LMNTD1: variants seen among roughly 807,000 people sequenced by gnomAD.
LMNTD1 encodes lamin tail domain containing 1.
LMNTD1 carries 35 observed loss-of-function variants against 50.9 expected under a neutral mutation model. The ratio of observed to expected loss-of-function variants is 0.69; its 90% CI spans 0.53 to 0.91. LMNTD1 has a LOEUF of 0.91. LMNTD1 is among the 40% of genes least tolerant of loss of function. The pLI is 0.00. For missense variants in LMNTD1, 470 were observed against 475.5 expected (o/e 0.99, Z 0.11); for synonymous variants, 153 against 161.9 (o/e 0.94, Z 0.42).
At position 25,552,936 on chromosome 12, in the gene LMNTD1, C is replaced by G. The variant is rs1235037541; in HGVS notation, c.24G>C (p.Gln8His). Residue 8 changes from glutamine to histidine, a missense_variant, in exon 2 of 10, where the codon CAG becomes CAC. Physicochemically the swap from Gln to His is conservative, Grantham distance 24. Coordinates refer to ENST00000458174, the MANE Select transcript of LMNTD1 (RefSeq NM_001145728.2). ...TATTCTGCATTGCCTTCGAAGCTTCCTGAATGTCTTGTGTATCTTTCATCT... is the reference window on the plus strand; with the variant it reads ...TATTCTGCATTGCCTTCGAAGCTTCGTGAATGTCTTGTGTATCTTTCATCT... MKDTQDI[Q>H]EASKAMQNKV... 6.4e-7 allele frequency: 1 copy of G among 1,569,042 alleles called. No homozygotes were observed. Among genetic ancestry groups the G allele is most frequent in the South Asian group, 1.2e-5 (1 of 86,044 alleles).
intron 1 of LMNTD1, among the ~76,000 whole-genome samples, chr12:25,634,040 G>A (rs117635083): frequency 2.0e-5 from 3 of 152,074 alleles, no homozygotes; most frequent in Admixed American, 2.0e-4. Context: ...ATCATTCAAG[G>A]CTGCTATGAA....
chr12:25,514,390 A>T (rs73298407), intron 8 of LMNTD1, among the ~76,000 whole-genome samples: 3,920 of 152,292 alleles, frequency 0.026, 177 homozygotes, highest in African/African-American at 0.09. Context: ...AGCAAATTGG[A>T]AAAACTATCA....
intron 1 of LMNTD1, among the ~76,000 whole-genome samples, chr12:25,596,602 G>C (rs1366316312): frequency 2.0e-5 from 3 of 151,976 alleles, no homozygotes; most frequent in Non-Finnish European, 4.4e-5. Flanking sequence ...AATAAACACT[G>C]TTCCAGACAA....
At chr12:25,581,789 GCC>G (rs914198065) in intron 1 of LMNTD1, among the ~76,000 whole-genome samples, 2 of 152,142 alleles carry the variant, frequency 1.3e-5, no homozygotes, top group Non-Finnish European at 2.9e-5. Context: ...ATAGCCTATT[GCC>G]CCTAGGCTAC....
chr12:25,553,081 C>G lies in LMNTD1; in HGVS notation c.-43G>C. ...AAAGTGACCTCACCTGTTAATCCAACTACCTTCAAGCATCAGCTAGGTTTA... is the reference window on the plus strand; with the variant it reads ...AAAGTGACCTCACCTGTTAATCCAAGTACCTTCAAGCATCAGCTAGGTTTA... On this transcript the variant is annotated 5_prime_UTR_variant, in exon 1 of 10. Coordinates refer to ENST00000458174, the MANE Select transcript of LMNTD1 (RefSeq NM_001145728.2). The G allele has an allele frequency of 1.9e-6, 3 of 1,613,676 alleles. No homozygotes were observed. The African/African-American group carries it at 4.0e-5, about 22-fold the overall frequency.
intron 1 of LMNTD1, among the ~76,000 whole-genome samples, chr12:25,578,449 C>T (rs73078341): frequency 0.024 from 3,654 of 152,062 alleles, 77 homozygotes; most frequent in Non-Finnish European, 0.033. Flanking sequence ...GAGCAAGTAA[C>T]CAAATAAAAG....
At chr12:25,514,940 A>G (rs1416017038) in intron 8 of LMNTD1, among the ~76,000 whole-genome samples, 2 of 152,198 alleles carry the variant, frequency 1.3e-5, no homozygotes, top group East Asian at 1.9e-4. Flanking sequence ...GGAATGGGAA[A>G]TATTTTACTA....
At chr12:25,524,802 T>C (rs1364644317) in intron 6 of LMNTD1, among the ~76,000 whole-genome samples, 3 of 152,154 alleles carry the variant, frequency 2.0e-5, no homozygotes, top group African/African-American at 7.2e-5. Flanking sequence ...ATTTTTCCCA[T>C]CAGAGAAGTA....
intron 1 of LMNTD1, among the ~76,000 whole-genome samples, chr12:25,595,327 G>T (rs943790991): frequency 1.3e-5 from 2 of 151,948 alleles, no homozygotes; most frequent in African/African-American, 4.8e-5. Context: ...TATATAATAG[G>T]CCACAAAATG....
chr12:25,479,986 T>A (rs7952840), intron 9 of LMNTD1, among the ~76,000 whole-genome samples: 28,315 of 152,088 alleles, frequency 0.19, 2,824 homozygotes, highest in Middle Eastern at 0.25. Flanking sequence ...CCATGACAAC[T>A]TTGTTCACAG....
In LMNTD1 at chr12:25,549,470, G is replaced by T. The variant is rs1401770924; in HGVS notation, c.166C>A (p.Pro56Thr). 16 of 1,613,144 alleles carry T rather than the reference G, an allele frequency of 9.9e-6. No homozygotes were observed. Among genetic ancestry groups the T allele is most frequent in the Non-Finnish European group, 1.3e-5 (15 of 1,179,424 alleles). ...CCACTGGAATTTGAAGATGACAATG[G>T]CAGTGTTGTGGCAACTGAACCCAAC... The part of the protein sequence containing the change: ...KMLGSVATTL[P>T]LSSSNSSGMP... Residue 56 changes from proline to threonine, a missense_variant, in exon 3 of 10, where the codon CCA (proline) becomes ACA (threonine). Transcript: ENST00000458174.
At chr12:25,640,888 C>T (rs896534861) in intron 1 of LMNTD1, among the ~76,000 whole-genome samples, 3 of 152,060 alleles carry the variant, frequency 2.0e-5, no homozygotes, top group Admixed American at 1.3e-4. Context: ...AGGATGGTCT[C>T]GATCTCCTGA....
intron 1 of LMNTD1, among the ~76,000 whole-genome samples, chr12:25,616,252 G>A (rs903807002): frequency 1.3e-5 from 2 of 152,064 alleles, no homozygotes; most frequent in Non-Finnish European, 2.9e-5. Flanking sequence ...TATTATTATT[G>A]ATGAATCAAT....
chr12:25,590,120 T>A (rs138224404), intron 1 of LMNTD1, among the ~76,000 whole-genome samples: 1 of 144,388 alleles, frequency 6.9e-6, no homozygotes, highest in African/African-American at 2.4e-5. Flanking sequence ...CAATACTTGG[T>A]TCTAACTTCA....
intron 1 of LMNTD1, among the ~76,000 whole-genome samples, chr12:25,613,110 C>G (rs535132438): frequency 6.6e-6 from 1 of 152,290 alleles, no homozygotes; most frequent in Non-Finnish European, 1.5e-5. Context: ...CCTGAAGACA[C>G]CTTGATTTCA....
chr12:25,620,905 G>C (rs1010140748), intron 1 of LMNTD1, among the ~76,000 whole-genome samples: 1 of 152,194 alleles, frequency 6.6e-6, no homozygotes, highest in Non-Finnish European at 1.5e-5. Flanking sequence ...TATGCAATAG[G>C]TGTGTTACCC....
chr12:25,554,863 A>G (rs829044), upstream of LMNTD1, among the ~76,000 whole-genome samples: 101,892 of 151,916 alleles, frequency 0.67, 34,541 homozygotes, highest in Admixed American at 0.73. Flanking sequence ...CAGGAGTTCA[A>G]GACCAGTCTG....
intron 6 of LMNTD1, among the ~76,000 whole-genome samples, chr12:25,521,062 C>T (rs549218368): frequency 4.1e-4 from 62 of 152,172 alleles, no homozygotes; most frequent in African/African-American, 1.4e-3. Flanking sequence ...AGGTTATTTG[C>T]TTTTCTGCTA....
chr12:25,577,829 G>A (rs1025873594), intron 1 of LMNTD1, among the ~76,000 whole-genome samples: 2 of 152,104 alleles, frequency 1.3e-5, no homozygotes, highest in East Asian at 3.8e-4. Context: ...TATTTTCTAA[G>A]TTCAGTAAAT....
Sources: allele counts gnomAD v4.1 joint callset (sites outside exome capture counted in the v4.1 genomes callset), GRCh38; gene constraint gnomAD v4.1.1; transcripts MANE v1.5; gene names NCBI Gene and HGNC (gene_info 2026-07-23, HGNC 2026-07-21).